The following SPMIP3 variants were observed in gnomAD, a reference collection of about 807,000 sequenced individuals.
SPMIP3 encodes sperm microtubule inner protein 3.
the SPMIP3 span, among the ~76,000 whole-genome samples, chr1:244,385,081 T>G: frequency 6.6e-6 from 1 of 152,078 alleles, no homozygotes; most frequent in African/African-American, 2.4e-5. Context: ...TTTGTATTTT[T>G]AGTAGAGACA....
the SPMIP3 span, among the ~76,000 whole-genome samples, chr1:244,358,013 A>G: frequency 1.3e-5 from 2 of 152,174 alleles, no homozygotes; most frequent in African/African-American, 4.8e-5. Flanking sequence ...ACTTGAGCCC[A>G]GGAGGTTGAG....
the SPMIP3 span, chr1:244,375,391 G>A: frequency 1.2e-6 from 2 of 1,613,604 alleles, no homozygotes; most frequent in Non-Finnish European, 1.7e-6. Flanking sequence ...CGCTCACCAA[G>A]GAAGAGACGT....
chr1:244,385,187 C>T, the SPMIP3 span, among the ~76,000 whole-genome samples: 1 of 152,160 alleles, frequency 6.6e-6, no homozygotes, highest in Non-Finnish European at 1.5e-5. Context: ...GCCACCGTGC[C>T]CAGCCTAGGC....
the SPMIP3 span, among the ~76,000 whole-genome samples, chr1:244,364,351 C>T: frequency 1.3e-5 from 2 of 152,046 alleles, no homozygotes; most frequent in East Asian, 1.9e-4. Context: ...GTGATCCTCC[C>T]ACCTCAGCCT....
chr1:244,385,906 G>A, the SPMIP3 span, among the ~76,000 whole-genome samples: 2 of 152,088 alleles, frequency 1.3e-5, no homozygotes. Context: ...GCTCACACCT[G>A]TAATCCCAGC....
At chr1:244,368,481 A>T in the SPMIP3 span, among the ~76,000 whole-genome samples, 43,585 of 152,030 alleles carry the variant, frequency 0.29, 6,793 homozygotes, top group East Asian at 0.49. Flanking sequence ...ACTTAAACTC[A>T]CGTCTGTGCT....
At chr1:244,383,489 AC>A in the SPMIP3 span, among the ~76,000 whole-genome samples, 26 of 152,350 alleles carry the variant, frequency 1.7e-4, no homozygotes, top group Middle Eastern at 3.4e-3. Flanking sequence ...AGCCTGGGCA[AC>A]ATAGCAAGAC....
the SPMIP3 span, among the ~76,000 whole-genome samples, chr1:244,373,626 T>C: frequency 6.6e-6 from 1 of 151,690 alleles, no homozygotes; most frequent in African/African-American, 2.4e-5. Flanking sequence ...TCTGCTATTC[T>C]TCTGAAATAA....
the SPMIP3 span, chr1:244,378,780 C>T: frequency 3.2e-6 from 3 of 935,316 alleles, no homozygotes; most frequent in East Asian, 7.7e-5. Flanking sequence ...GTGTGTGTTT[C>T]TGGGGTGCAG....
At chr1:244,361,688 C>G in the SPMIP3 span, among the ~76,000 whole-genome samples, 1 of 152,154 alleles carries the variant, frequency 6.6e-6, no homozygotes, top group Non-Finnish European at 1.5e-5. Context: ...TAAATACATA[C>G]ATCTCTTATA....
chr1:244,364,992 A>G, the SPMIP3 span, among the ~76,000 whole-genome samples: 1 of 152,246 alleles, frequency 6.6e-6, no homozygotes, highest in Non-Finnish European at 1.5e-5. Context: ...ACAAAGAAAT[A>G]TTTAACAGGG....
At chr1:244,359,924 C>T in the SPMIP3 span, among the ~76,000 whole-genome samples, 9 of 151,462 alleles carry the variant, frequency 5.9e-5, no homozygotes, top group African/African-American at 1.9e-4. Context: ...TCCTGGCCAA[C>T]ATGGCAAAAC....
At chr1:244,366,377 G>C in the SPMIP3 span, among the ~76,000 whole-genome samples, 1 of 152,146 alleles carries the variant, frequency 6.6e-6, no homozygotes, top group Non-Finnish European at 1.5e-5. Context: ...ATGTTGCCCA[G>C]ACTGTCTGGA....
At chr1:244,370,913 C>G in the SPMIP3 span, among the ~76,000 whole-genome samples, 13 of 152,184 alleles carry the variant, frequency 8.5e-5, no homozygotes, top group Non-Finnish European at 5.9e-5. Flanking sequence ...ATCATGTTTA[C>G]CTTGCAAGGT....
the SPMIP3 span, among the ~76,000 whole-genome samples, chr1:244,371,468 T>C: frequency 6.6e-6 from 1 of 152,138 alleles, no homozygotes; most frequent in African/African-American, 2.4e-5. Context: ...TCCACACCCA[T>C]CTCCTTACAC....
At chr1:244,372,495 G>C in the SPMIP3 span, among the ~76,000 whole-genome samples, 8 of 149,754 alleles carry the variant, frequency 5.3e-5, no homozygotes, top group African/African-American at 1.7e-4. Flanking sequence ...CCAGGCTGGA[G>C]TGCAGTGGCA....
the SPMIP3 span, chr1:244,375,616 C>T: frequency 4.4e-5 from 23 of 517,208 alleles, no homozygotes; most frequent in Non-Finnish European, 7.1e-5. Context: ...AGAAAATATA[C>T]CAAACTGTTA....
the SPMIP3 span, among the ~76,000 whole-genome samples, chr1:244,383,296 G>A: frequency 6.6e-6 from 1 of 152,162 alleles, no homozygotes; most frequent in Non-Finnish European, 1.5e-5. Context: ...AGGACAGCTT[G>A]AGGACAGGAG....
chr1:244,359,953 C>CA, the SPMIP3 span, among the ~76,000 whole-genome samples: 3,178 of 151,408 alleles, frequency 0.021, 175 homozygotes, highest in East Asian at 0.24. Context: ...ACTAAAAATA[C>CA]AAAAAATTAG....
Sources: allele counts gnomAD v4.1 joint callset (sites outside exome capture counted in the v4.1 genomes callset), GRCh38; gene constraint gnomAD v4.1.1; transcripts MANE v1.5; gene names NCBI Gene and HGNC (gene_info 2026-07-23, HGNC 2026-07-21).